The following ACVR1C variants were observed in gnomAD, a reference collection of about 807,000 sequenced individuals.
ACVR1C encodes activin A receptor type 1C.
A neutral mutation model predicts 57.9 loss-of-function variants in ACVR1C; 23 were observed. That is an observed-to-expected ratio of 0.40 (90% CI 0.29 to 0.56). The LOEUF is 0.56. Ranked by LOEUF, ACVR1C falls within the 20% of genes least tolerant of loss-of-function variation. ACVR1C has a pLI of 0.50. For missense variants in ACVR1C, 480 were observed against 607.9 expected (o/e 0.79, Z 2.21); for synonymous variants, 214 against 215.3 (o/e 0.99, Z 0.05).
intron 2 of ACVR1C, among the ~76,000 whole-genome samples, chr2:157,566,204 A>G (rs1292131467): frequency 6.6e-6 from 1 of 152,202 alleles, no homozygotes; most frequent in African/African-American, 2.4e-5. Flanking sequence ...ATAAAAAAAG[A>G]AAGTCTTTGG....
At chr2:157,544,338 C>T (rs926468235) in intron 5 of ACVR1C, 107 bp downstream of exon 5, 10 of 1,163,338 alleles carry the variant, frequency 8.6e-6, no homozygotes, top group South Asian at 2.0e-5. Flanking sequence ...AGCCACCGTG[C>T]CCAGCCTAAA....
intron 2 of ACVR1C, among the ~76,000 whole-genome samples, chr2:157,578,612 T>C (rs1009151828): frequency 6.6e-6 from 1 of 152,186 alleles, no homozygotes; most frequent in Non-Finnish European, 1.5e-5. Context: ...AGAATTTCCT[T>C]TATCAAGGGG....
chr2:157,539,494 G>A (rs980672442), intron 7 of ACVR1C, among the ~76,000 whole-genome samples: 5 of 152,194 alleles, frequency 3.3e-5, no homozygotes, highest in South Asian at 2.1e-4. Context: ...TACAATTCAC[G>A]TCTGCTAAAT....
chr2:157,592,614 T>C (rs1295012338), intron 1 of ACVR1C, among the ~76,000 whole-genome samples: 1 of 152,088 alleles, frequency 6.6e-6, no homozygotes, highest in Non-Finnish European at 1.5e-5. Context: ...ATAAGTAACA[T>C]ACGACATACT....
intron 1 of ACVR1C, among the ~76,000 whole-genome samples, chr2:157,605,596 G>A (rs1259327289): frequency 1.3e-5 from 2 of 151,670 alleles, no homozygotes; most frequent in African/African-American, 2.4e-5. Flanking sequence ...GGATGTGCAA[G>A]TCTCCTATAT....
Position 157,532,688 on chromosome 2 carries a change from T to G in ACVR1C, c.*1230A>C, listed in dbSNP as rs560615342. Reference sequence around the variant, plus strand: ...GGCAAAACTATCATGAGCATTCTTCTGTACTCACTCACTCACTGTGAAAGG... The same window carrying G: ...GGCAAAACTATCATGAGCATTCTTCGGTACTCACTCACTCACTGTGAAAGG... On this transcript the variant is annotated 3_prime_UTR_variant, in exon 9 of 9. Coordinates refer to ENST00000243349, the MANE Select transcript of ACVR1C (RefSeq NM_145259.3). 6.6e-6 allele frequency: 1 copy of G among 152,320 alleles called. No individual in the cohort carries two copies. Among genetic ancestry groups the G allele is most frequent in the Admixed American group, 6.5e-5 (1 of 15,278 alleles). 9.4% of individuals were successfully genotyped at this position (152,320 alleles called of 1,614,324 possible).
intron 1 of ACVR1C, among the ~76,000 whole-genome samples, chr2:157,604,373 C>A (rs1000393336): frequency 6.6e-6 from 1 of 151,966 alleles, no homozygotes; most frequent in African/African-American, 2.4e-5. Flanking sequence ...TCTTTTGAGT[C>A]TGGCTTTTGC....
intron 1 of ACVR1C, among the ~76,000 whole-genome samples, chr2:157,626,170 G>A (rs1481218978): frequency 6.6e-6 from 1 of 152,186 alleles, no homozygotes; most frequent in Non-Finnish European, 1.5e-5. Flanking sequence ...GTCTCACTAT[G>A]TTGCCTGAGC....
chr2:157,626,458 C>T (rs1165788075), intron 1 of ACVR1C, among the ~76,000 whole-genome samples: 1 of 152,236 alleles, frequency 6.6e-6, no homozygotes, highest in Non-Finnish European at 1.5e-5. Flanking sequence ...AGTCGTAGGC[C>T]TGCTCTGCAG....
At chr2:157,590,045 A>C (rs1440385093) in intron 1 of ACVR1C, among the ~76,000 whole-genome samples, 1 of 151,960 alleles carries the variant, frequency 6.6e-6, no homozygotes, top group Non-Finnish European at 1.5e-5. Context: ...GGAATTAAAG[A>C]CTTAACTCAA....
intron 1 of ACVR1C, among the ~76,000 whole-genome samples, chr2:157,602,535 T>G (rs1412670706): frequency 6.6e-6 from 1 of 152,202 alleles, no homozygotes; most frequent in African/African-American, 2.4e-5. Context: ...ATTTATGACA[T>G]TTGTGGTTGT....
intron 1 of ACVR1C, among the ~76,000 whole-genome samples, chr2:157,593,856 C>CT (rs528149461): frequency 6.6e-6 from 1 of 152,104 alleles, no homozygotes; most frequent in Non-Finnish European, 1.5e-5. Flanking sequence ...TAAATGCAAA[C>CT]TTTTTTGGCC....
intron 3 of ACVR1C, among the ~76,000 whole-genome samples, chr2:157,551,657 T>C (rs80059158): frequency 0.037 from 5,590 of 152,310 alleles, 356 homozygotes; most frequent in African/African-American, 0.13. Context: ...CCACAATTGA[T>C]ATTTATTGCT....
At chr2:157,627,813 C>G (rs1461658186) in intron 1 of ACVR1C, among the ~76,000 whole-genome samples, 1 of 152,214 alleles carries the variant, frequency 6.6e-6, no homozygotes, top group African/African-American at 2.4e-5. Context: ...CTTTTAGTCA[C>G]AGCATATTAT....
At chr2:157,560,861 C>A (rs1237749859) in intron 2 of ACVR1C, among the ~76,000 whole-genome samples, 3 of 152,164 alleles carry the variant, frequency 2.0e-5, no homozygotes, top group Non-Finnish European at 4.4e-5. Context: ...CGTACTTGAT[C>A]AATTGCTTCA....
At chr2:157,573,565 T>C (rs2105242713) in intron 2 of ACVR1C, among the ~76,000 whole-genome samples, 1 of 152,128 alleles carries the variant, frequency 6.6e-6, no homozygotes, top group African/African-American at 2.4e-5. Context: ...TGTTGAATAG[T>C]CTATTTCCAT....
intron 3 of ACVR1C, among the ~76,000 whole-genome samples, chr2:157,554,145 T>C (rs563876777): frequency 2.8e-5 from 4 of 142,036 alleles, no homozygotes; most frequent in African/African-American, 8.0e-5. Context: ...ATAGCACCAC[T>C]GCACTCCAGC....
chr2:157,548,293 G>A (rs1687817734), intron 4 of ACVR1C, among the ~76,000 whole-genome samples: 1 of 148,224 alleles, frequency 6.7e-6, no homozygotes, highest in African/African-American at 2.5e-5. Flanking sequence ...ACAAACAAAT[G>A]GAAGAACATT....
chr2:157,621,536 G>T lies in ACVR1C; in HGVS notation c.73+7036C>A, dbSNP rs371862535. 2.0e-5 allele frequency among the ~76,000 whole-genome samples: 3 copies of T among 152,112 alleles called. No individual in the cohort carries two copies. The East Asian group carries it at 5.8e-4, about 29-fold the overall frequency. On this transcript the variant is annotated intron_variant, in intron 1 of 8. Coordinates refer to ENST00000243349, the MANE Select transcript of ACVR1C (RefSeq NM_145259.3). ...ATGCTTTAGGGATCCAGCTTTCAAA[G>T]AACAAGAAAAACAAGGGGCTCATGG...
Sources: gnomAD v4.1 joint callset for allele counts (sites outside exome capture counted in the v4.1 genomes callset) on GRCh38, gnomAD v4.1.1 for gene constraint, MANE v1.5 for transcripts, NCBI Gene and HGNC (gene_info 2026-07-23, HGNC 2026-07-21) for gene names.